The following CFAP92 variants were observed in gnomAD, a reference collection of about 807,000 sequenced individuals.
CFAP92 encodes uncharacterized protein CFAP92.
Under a neutral mutation model 106.3 loss-of-function variants are expected in CFAP92, and 86 were observed. The ratio of observed to expected loss-of-function variants is 0.81; its 90% CI spans 0.68 to 0.97. The LOEUF is 0.97. Among genes scored for constraint, CFAP92 ranks in the 50% least tolerant of loss-of-function variants. The pLI, the probability that CFAP92 is intolerant of heterozygous loss-of-function variation, is 0.00. For synonymous variants in CFAP92, 477 were observed against 506.4 expected (o/e 0.94, Z 0.78); for missense variants, 1,204 against 1,283.8 (o/e 0.94, Z 0.95).
At chr3:129,023,578 C>T in the CFAP92 span, among the ~76,000 whole-genome samples, 2 of 152,120 alleles carry the variant, frequency 1.3e-5, no homozygotes, top group African/African-American at 2.4e-5. Flanking sequence ...ATGATCCACC[C>T]GCCTCGGCCT....
chr3:128,957,821 G>A (rs1485073231), intron 9 of CFAP92, among the ~76,000 whole-genome samples: 1 of 102,620 alleles, frequency 9.7e-6, no homozygotes, highest in Non-Finnish European at 1.8e-5. Flanking sequence ...TTCCTACGAA[G>A]CGCCATAAAC....
upstream of CFAP92, among the ~76,000 whole-genome samples, chr3:129,007,128 A>G (rs938510241): frequency 1.3e-5 from 2 of 152,224 alleles, no homozygotes; most frequent in African/African-American, 4.8e-5. Context: ...CCCAACCACA[A>G]GCTCAAGTTG....
intron 9 of CFAP92, among the ~76,000 whole-genome samples, chr3:128,961,416 G>A (rs1469546307): frequency 1.3e-5 from 2 of 151,892 alleles, no homozygotes; most frequent in Non-Finnish European, 2.9e-5. Flanking sequence ...GGCCGAGCTA[G>A]GTCCCAATTC....
chr3:129,026,719 C>G, the CFAP92 span, among the ~76,000 whole-genome samples: 1 of 152,122 alleles, frequency 6.6e-6, no homozygotes, highest in Non-Finnish European at 1.5e-5. Flanking sequence ...AGGCTGTAGT[C>G]TGGAGCCTGT....
upstream of CFAP92, among the ~76,000 whole-genome samples, chr3:128,996,495 G>C (rs551207742): frequency 1.3e-5 from 2 of 152,174 alleles, no homozygotes; most frequent in Non-Finnish European, 2.9e-5. Context: ...GATGAAGTGA[G>C]GGCAAAGGTG....
chr3:128,994,570 A>T (rs542871080), upstream of CFAP92, among the ~76,000 whole-genome samples: 117 of 152,296 alleles, frequency 7.7e-4, 1 homozygote, highest in African/African-American at 2.8e-3. Context: ...TTAAAATAGC[A>T]TGAGAATTCT....
At chr3:128,992,946 T>A in intron 2 of CFAP92, 97 bp downstream of exon 2, 1 of 1,424,462 alleles carries the variant, frequency 7.0e-7, no homozygotes, top group Non-Finnish European at 9.7e-7. Context: ...GTGGGGCAGG[T>A]GGAGAGAGGA....
At chr3:128,998,743 G>T (rs1280536396), upstream of CFAP92, among the ~76,000 whole-genome samples, 3 of 152,142 alleles carry the variant, frequency 2.0e-5, no homozygotes, top group Non-Finnish European at 4.4e-5. Context: ...AGCAGTGTCT[G>T]CAAAGAAACC....
chr3:128,991,554 C>T (rs913427097), intron 2 of CFAP92: 2 of 157,600 alleles, frequency 1.3e-5, no homozygotes, highest in African/African-American at 2.4e-5. Context: ...GGCCGGAAGA[C>T]ATGAAGATGA....
At chr3:128,924,757 T>TA (rs1288929265) in intron 12 of CFAP92, among the ~76,000 whole-genome samples, 1 of 152,172 alleles carries the variant, frequency 6.6e-6, no homozygotes, top group African/African-American at 2.4e-5. Context: ...GATTGTATCT[T>TA]AAACTAGAAG....
rs759954046 is a variant in CFAP92, at chr3:128,932,579, G to A, written c.2751+121C>T. On this transcript the variant is annotated intron_variant, in intron 12 of 15. Transcript: ENST00000645291. Reference sequence around the variant, plus strand: ...CATCCAGCAGGGTAGCCCAGGCCAGGAGCGCAGGCACGACCAGAGGCAAAT... The same window carrying A: ...CATCCAGCAGGGTAGCCCAGGCCAGAAGCGCAGGCACGACCAGAGGCAAAT... 91 of 994,010 alleles carry A rather than the reference G, an allele frequency of 9.2e-5. No individual in the cohort carries two copies. In the Middle Eastern group the frequency reaches 2.9e-3, roughly 32 times the overall value. The allele number at this position is 994,010 out of a possible 1,614,324, so 61.6% of individuals were successfully genotyped here.
In CFAP92 at chr3:128,910,335, T is replaced by C; in HGVS notation, c.3281-2A>G. 6.8e-7 allele frequency: 1 copy of C among 1,474,752 alleles called. No homozygotes were observed. Among genetic ancestry groups the C allele is most frequent in the Non-Finnish European group, 9.0e-7 (1 of 1,115,268 alleles). The allele number at this position is 1,474,752 out of a possible 1,614,324, so 91.4% of individuals were successfully genotyped here. A position where few individuals can be genotyped will look rare whatever the true frequency, so the allele number is the denominator to read the frequency against. On this transcript the variant is annotated splice_acceptor_variant, in intron 15 of 15. Coordinates refer to ENST00000645291, the MANE Select transcript of CFAP92 (RefSeq NM_001394090.1). LOFTEE classifies it high-confidence loss of function. The stretch of plus-strand genomic sequence containing the variant: ...GGCTGTTCCCTTTCTTCTTCCTGAC[T>C]GAGAGAAGAGGGGGTGAGTGACAGG...
intron 4 of CFAP92, among the ~76,000 whole-genome samples, chr3:128,982,471 C>T (rs932054149): frequency 9.2e-5 from 14 of 152,342 alleles, no homozygotes; most frequent in Non-Finnish European, 2.1e-4. Flanking sequence ...AAAACTTCCT[C>T]TGTATCAGCT....
chr3:128,974,891 C>CG (rs764225348), intron 7 of CFAP92, among the ~76,000 whole-genome samples: 6 of 150,576 alleles, frequency 4.0e-5, no homozygotes, highest in Admixed American at 6.6e-5. Flanking sequence ...GAGGCCGAGG[C>CG]GGGCAGATCA....
At chr3:129,013,149 G>A in the CFAP92 span, among the ~76,000 whole-genome samples, 15 of 152,160 alleles carry the variant, frequency 9.9e-5, no homozygotes, top group Non-Finnish European at 1.6e-4. Flanking sequence ...GACCCAAGCC[G>A]GGTGAGCTCT....
chr3:128,911,022 G>A (rs985937094), intron 15 of CFAP92, among the ~76,000 whole-genome samples: 1 of 152,200 alleles, frequency 6.6e-6, no homozygotes, highest in Non-Finnish European at 1.5e-5. Context: ...CACCAAGGCA[G>A]TTGTATGTAT....
chr3:128,935,158 G>T lies in CFAP92; in HGVS notation c.2420C>A (p.Thr807Asn), dbSNP rs73210620. ...LQQAVFFLRD[T>N]ERRRVFQALA... ...AGCCTGGAAGACCCGCCTCCGCTCAGTGTCTCGCAGGAAGAACACCGCCTG... is the reference window on the plus strand; with the variant it reads ...AGCCTGGAAGACCCGCCTCCGCTCATTGTCTCGCAGGAAGAACACCGCCTG... Residue 807 changes from threonine to asparagine, a missense_variant, in exon 11 of 16, where the codon ACT becomes AAT. Transcript: ENST00000645291. 3 of 1,535,104 alleles carry T rather than the reference G, an allele frequency of 2.0e-6. No homozygotes were observed. The highest frequency in any genetic ancestry group is 4.9e-5 in the East Asian group (2 of 40,892).
At chr3:128,934,110 G>GTT (rs969520186) in intron 11 of CFAP92, among the ~76,000 whole-genome samples, 100 of 147,294 alleles carry the variant, frequency 6.8e-4, no homozygotes, top group African/African-American at 2.4e-3. Flanking sequence ...CCCCCGCTGG[G>GTT]TCCCAGGGTA....
chr3:128,921,658 A>G (rs1369774366), intron 12 of CFAP92, among the ~76,000 whole-genome samples: 1 of 152,254 alleles, frequency 6.6e-6, no homozygotes, highest in African/African-American at 2.4e-5. Context: ...ATCAATCAAC[A>G]GAAAAGTCCC....
Sources: gnomAD v4.1 joint callset for allele counts (sites outside exome capture counted in the v4.1 genomes callset) on GRCh38, gnomAD v4.1.1 for gene constraint, MANE v1.5 for transcripts, NCBI Gene and HGNC (gene_info 2026-07-23, HGNC 2026-07-21) for gene names.